The following HS6ST3 variants were observed in gnomAD, a reference collection of about 807,000 sequenced individuals.
HS6ST3 encodes heparan-sulfate 6-O-sulfotransferase 3.
Under a neutral mutation model 36.7 loss-of-function variants are expected in HS6ST3, and 12 were observed. The observed-to-expected ratio is 0.33, with a 90% CI of 0.21 to 0.53. The LOEUF (loss-of-function observed/expected upper bound fraction) is 0.53, where lower values mean the gene tolerates loss of function less well. Ranked by LOEUF, HS6ST3 falls within the 20% of genes least tolerant of loss-of-function variation. The pLI is 0.95. For synonymous variants in HS6ST3, 240 were observed against 257.5 expected (o/e 0.93, Z 0.65); for missense variants, 584 against 640.9 (o/e 0.91, Z 0.96).
intron 1 of HS6ST3, among the ~76,000 whole-genome samples, chr13:96,298,080 GGGGAAGTAATTAATTTCTTA>G (rs148030027): frequency 0.011 from 1,744 of 152,242 alleles, 36 homozygotes; most frequent in African/African-American, 0.04. Flanking sequence ...GGATTAGGAT[GGGGAAGTAATTAATTTCTTA>G]CTTTAACTGG....
At chr13:96,700,139 T>C (rs949239022) in intron 1 of HS6ST3, among the ~76,000 whole-genome samples, 1 of 152,166 alleles carries the variant, frequency 6.6e-6, no homozygotes, top group African/African-American at 2.4e-5. Flanking sequence ...AAGACAAACC[T>C]GAGACTGGGC....
intron 1 of HS6ST3, among the ~76,000 whole-genome samples, chr13:96,479,331 A>C (rs1340440814): frequency 6.6e-6 from 1 of 152,222 alleles, no homozygotes; most frequent in East Asian, 1.9e-4. Context: ...GGACTGAAGC[A>C]TAGAGAGTGG....
At chr13:96,754,788 ATTGT>A (rs1293069281) in intron 1 of HS6ST3, among the ~76,000 whole-genome samples, 2 of 151,984 alleles carry the variant, frequency 1.3e-5, no homozygotes, top group Non-Finnish European at 2.9e-5. Context: ...TTTCTTTGAG[ATTGT>A]TTAATTTCAA....
chr13:96,557,185 T>C (rs1206827178), intron 1 of HS6ST3, among the ~76,000 whole-genome samples: 1 of 152,226 alleles, frequency 6.6e-6, no homozygotes, highest in East Asian at 1.9e-4. Flanking sequence ...AGGCTCATTG[T>C]ACCCTTGCAA....
At chr13:96,401,500 C>T (rs1305624424) in intron 1 of HS6ST3, among the ~76,000 whole-genome samples, 1 of 152,198 alleles carries the variant, frequency 6.6e-6, no homozygotes, top group African/African-American at 2.4e-5. Context: ...ACTGTCCTTT[C>T]TCAGTTTCTT....
Position 96,556,267 on chromosome 13 carries a change from T to G in HS6ST3, c.708-276223T>G, listed in dbSNP as rs532058102. 1.0e-3 allele frequency among the ~76,000 whole-genome samples: 153 copies of G among 152,308 alleles called. 1 individual carries two copies. The highest frequency in any genetic ancestry group is 4.0e-3 in the Admixed American group (61 of 15,298). On this transcript the variant is annotated intron_variant, in intron 1 of 1. Coordinates refer to ENST00000376705, the MANE Select transcript of HS6ST3 (RefSeq NM_153456.4). ...AGGGGCCTGGTTGTTCATAAAATAT[T>G]GGAATAGCTTTAGGTTTTCATGCTT...
At chr13:96,572,201 A>C (rs1472144662) in intron 1 of HS6ST3, among the ~76,000 whole-genome samples, 2 of 152,238 alleles carry the variant, frequency 1.3e-5, no homozygotes, top group African/African-American at 2.4e-5. Context: ...ATGTTGGGAC[A>C]CAAACTAGAA....
intron 1 of HS6ST3, among the ~76,000 whole-genome samples, chr13:96,800,000 A>ATATATATATATGTGTATATATATATATG (rs1439454258): frequency 0.025 from 2,220 of 89,240 alleles, 224 homozygotes; most frequent in African/African-American, 0.084. Flanking sequence ...ATATATATGT[A>ATATATATATATGTGTATATATATATATG]TATATATATA....
intron 1 of HS6ST3, among the ~76,000 whole-genome samples, chr13:96,155,582 G>C (rs1016612923): frequency 5.8e-5 from 2 of 34,488 alleles, no homozygotes; most frequent in African/African-American, 1.6e-4. Flanking sequence ...TTTAAAAAAG[G>C]TTAAGGATTT....
At chr13:96,747,124 C>T (rs2138489303) in intron 1 of HS6ST3, among the ~76,000 whole-genome samples, 1 of 152,168 alleles carries the variant, frequency 6.6e-6, no homozygotes, top group South Asian at 2.1e-4. Flanking sequence ...AATATGGCAA[C>T]AGCAGATTGC....
chr13:96,366,274 G>C (rs991142379), intron 1 of HS6ST3, among the ~76,000 whole-genome samples: 1 of 152,014 alleles, frequency 6.6e-6, no homozygotes, highest in Non-Finnish European at 1.5e-5. Context: ...TCAGGAGTTC[G>C]AGACCAGCCT....
intron 1 of HS6ST3, among the ~76,000 whole-genome samples, chr13:96,433,891 T>C (rs1407047516): frequency 2.0e-5 from 3 of 152,188 alleles, no homozygotes; most frequent in Non-Finnish European, 4.4e-5. Flanking sequence ...GCCGAGGTCA[T>C]GCCATTGCAC....
At chr13:96,753,335 C>T (rs1165995036) in intron 1 of HS6ST3, among the ~76,000 whole-genome samples, 1 of 152,148 alleles carries the variant, frequency 6.6e-6, no homozygotes. Context: ...GGATAGTGAA[C>T]CTTCCTACCC....
At chr13:96,707,880 C>T (rs767806717) in intron 1 of HS6ST3, among the ~76,000 whole-genome samples, 12 of 152,140 alleles carry the variant, frequency 7.9e-5, no homozygotes, top group Non-Finnish European at 1.5e-4. Context: ...TATTCAATAC[C>T]AGTCCTCTGA....
At chr13:96,779,976 C>T (rs1192634699) in intron 1 of HS6ST3, among the ~76,000 whole-genome samples, 2 of 152,140 alleles carry the variant, frequency 1.3e-5, no homozygotes, top group East Asian at 3.9e-4. Flanking sequence ...TTGGCTTGAT[C>T]CTGTCAGTGT....
intron 1 of HS6ST3, among the ~76,000 whole-genome samples, chr13:96,116,160 C>G (rs1594681669): frequency 2.0e-5 from 3 of 152,296 alleles, no homozygotes; most frequent in South Asian, 4.1e-4. Flanking sequence ...TGGTCAGCTT[C>G]CGGGAACTCG....
chr13:96,758,989 A>C lies in HS6ST3; in HGVS notation c.708-73501A>C, dbSNP rs138681217. Among the ~76,000 whole-genome samples the C allele has an allele frequency of 7.6e-4, 116 of 151,900 alleles. 2 individuals carry two copies. In the East Asian group the frequency reaches 0.015, roughly 20 times the overall value. On this transcript the variant is annotated intron_variant, in intron 1 of 1. Coordinates refer to ENST00000376705, the MANE Select transcript of HS6ST3 (RefSeq NM_153456.4). ...TTTCTCAGTTCTTGCTTATATTTTG[A>C]ATCTATATTATCAGATTTCACACAT... is the stretch of plus-strand genomic sequence containing the variant.
chr13:96,173,813 C>T (rs937811716), intron 1 of HS6ST3, among the ~76,000 whole-genome samples: 15 of 90,244 alleles, frequency 1.7e-4, no homozygotes, highest in Non-Finnish European at 3.4e-4. Context: ...AATTAAGCAC[C>T]TTAATTTCTC....
intron 1 of HS6ST3, among the ~76,000 whole-genome samples, chr13:96,715,088 A>G (rs1450899014): frequency 6.6e-6 from 1 of 152,188 alleles, no homozygotes; most frequent in Non-Finnish European, 1.5e-5. Context: ...TAATAAATAC[A>G]TTGTAATCAC....
Sources: allele counts gnomAD v4.1 joint callset (sites outside exome capture counted in the v4.1 genomes callset), GRCh38; gene constraint gnomAD v4.1.1; transcripts MANE v1.5; gene names NCBI Gene and HGNC (gene_info 2026-07-23, HGNC 2026-07-21).